The following NUP98 variants were observed in gnomAD, a reference collection of about 807,000 sequenced individuals.
NUP98 encodes nuclear pore complex protein Nup98-Nup96.
In NUP98, 26 loss-of-function variants were observed where a neutral mutation model predicts 191.9. The observed-to-expected ratio is 0.14, with a 90% CI of 0.10 to 0.19. The LOEUF (loss-of-function observed/expected upper bound fraction) is 0.19, where lower values mean the gene tolerates loss of function less well. NUP98 is among the 10% of genes least tolerant of loss of function. NUP98 has a pLI of 1.00. For missense variants in NUP98, 1,941 were observed against 2,178.8 expected (o/e 0.89, Z 2.17); for synonymous variants, 808 against 778.4 (o/e 1.04, Z -0.63).
chr11:3,690,319 GCA>G (rs2078272597), intron 28 of NUP98, among the ~76,000 whole-genome samples: 2 of 150,510 alleles, frequency 1.3e-5, no homozygotes, highest in African/African-American at 2.4e-5. Flanking sequence ...GAGTGCAGTG[GCA>G]TGATCTCTGC....
intron 14 of NUP98, 59 bp from the exon 15 acceptor site, chr11:3,725,278 C>A: frequency 2.6e-6 from 2 of 755,508 alleles, no homozygotes; most frequent in South Asian, 3.2e-5. Flanking sequence ...AGATATGTCC[C>A]AGACATTATC....
intron 20 of NUP98, among the ~76,000 whole-genome samples, chr11:3,709,736 G>C (rs2078975237): frequency 6.9e-6 from 1 of 144,782 alleles, no homozygotes; most frequent in South Asian, 2.2e-4. Flanking sequence ...TTCTGAGCAA[G>C]CCAATTAGCC....
rs2078307682 is a variant in NUP98 at position 3,691,439 on chromosome 11, C to T, written c.4362G>A (p.Leu1454=). 1.9e-6 allele frequency: 3 copies of T among 1,614,174 alleles called. No homozygotes were observed. The highest frequency in any genetic ancestry group is 1.7e-5 in the Admixed American group (1 of 60,008). ...RYACSPLPSY[L]EGSGCVIAEE... ...CCGCTATCACACAGCCAGAACCCTC[C>T]AGATACGAAGGAAGTGGGGAGCAGG... Residue 1454 remains leucine, a synonymous_variant, in exon 28 of 33, where the codon CTG becomes CTA. Transcript: ENST00000324932.
chr11:3,774,048 C>T (rs1206917411), intron 5 of NUP98, among the ~76,000 whole-genome samples: 1 of 151,998 alleles, frequency 6.6e-6, no homozygotes, highest in African/African-American at 2.4e-5. Flanking sequence ...CCAATATATA[C>T]CTTTAAACCT....
chr11:3,704,282 T>C (rs1238097450), intron 22 of NUP98, among the ~76,000 whole-genome samples: 1 of 152,260 alleles, frequency 6.6e-6, no homozygotes, highest in Non-Finnish European at 1.5e-5. Context: ...TGCCAGTTCC[T>C]CTGGCTTTCA....
At chr11:3,711,859 AAT>A (rs1170267007) in intron 20 of NUP98, 1 of 1,033,906 alleles carries the variant, frequency 9.7e-7, no homozygotes, top group Non-Finnish European at 1.2e-6. Context: ...TTATTTAATA[AAT>A]CATAAAAACC....
At chr11:3,738,698 G>C (rs2080165860) in intron 12 of NUP98, among the ~76,000 whole-genome samples, 1 of 132,396 alleles carries the variant, frequency 7.6e-6, no homozygotes, top group African/African-American at 2.8e-5. Flanking sequence ...AGAATTGTCT[G>C]AACCCAGAGG....
Position 3,695,510 on chromosome 11 carries a change from T to C in NUP98, c.4106A>G (p.Gln1369Arg). The C allele has an allele frequency of 6.2e-7, 1 of 1,611,598 alleles. No individual in the cohort carries two copies. Among genetic ancestry groups the C allele is most frequent in the East Asian group, 2.2e-5 (1 of 44,722 alleles). Residue 1369 changes from glutamine to arginine, a missense_variant, in exon 26 of 33, where the codon CAA (glutamine) becomes CGA (arginine). Physicochemically the swap from Gln to Arg is conservative, Grantham distance 43 (BLOSUM62 1). Transcript: ENST00000324932. ...TMQLVDWHQLQADSFIQDERL... is the reference protein window; with the variant it reads ...TMQLVDWHQLRADSFIQDERL... ...CTCATCCTGGATGAAGGAGTCTGCT[T>C]GGAGCTGATGCCAGTCCACCAACTG...
In NUP98 at chr11:3,731,392, T is replaced by G. The variant is rs369707859; in HGVS notation, c.1729A>C (p.Lys577Gln). 6.5e-7 allele frequency: 1 copy of G among 1,540,420 alleles called. No individual in the cohort carries two copies. Among genetic ancestry groups the G allele is most frequent in the South Asian group, 1.3e-5 (1 of 75,408 alleles). The change falls in exon 14 of 33, where the codon AAG (lysine) becomes CAG (glutamine). Residue 577 changes from lysine to glutamine, a missense_variant and splice_region_variant. Physicochemically the swap from Lys to Gln is moderately conservative, Grantham distance 53 (BLOSUM62 1). Around this residue, in one of 6 missense-constraint regions of NUP98, gnomAD observed 453 missense variants for 438.2 expected, o/e 1.03. Transcript: ENST00000324932. ...TTCTGTTAACAAAAATAAACTCACT[T>G]GGGCATGAATGCTCCATTGGCTAGG... ...PSLANGAFMP[K>Q]KSIKKLVLKN...
At chr11:3,723,749 A>G (rs958718746) in intron 15 of NUP98, among the ~76,000 whole-genome samples, 66 of 151,658 alleles carry the variant, frequency 4.4e-4, no homozygotes, top group Non-Finnish European at 6.2e-4. Flanking sequence ...TTTATAAATA[A>G]TAATAATAAT....
chr11:3,748,291 C>T (rs766644673), intron 11 of NUP98, among the ~76,000 whole-genome samples: 8 of 152,140 alleles, frequency 5.3e-5, no homozygotes, highest in Admixed American at 1.3e-4. Context: ...TGTGGCTGGG[C>T]GCAGTGGCTC....
At chr11:3,788,890 T>C (rs1042022387) in intron 1 of NUP98, among the ~76,000 whole-genome samples, 6 of 152,068 alleles carry the variant, frequency 3.9e-5, no homozygotes, top group South Asian at 4.1e-4. Context: ...GAGATTGCAG[T>C]GAGCCGAGAT....
chr11:3,771,404 T>C (rs2081527211), intron 7 of NUP98, among the ~76,000 whole-genome samples: 1 of 152,170 alleles, frequency 6.6e-6, no homozygotes, highest in African/African-American at 2.4e-5. Context: ...CCCCAGTATT[T>C]TCCCTTGCCC....
intron 12 of NUP98, among the ~76,000 whole-genome samples, chr11:3,738,149 T>C: frequency 6.9e-6 from 1 of 145,728 alleles, no homozygotes; most frequent in Non-Finnish European, 1.5e-5. Flanking sequence ...AGAAAGTGCA[T>C]GAGCATGATT....
chr11:3,710,447 G>T (rs1453601837), intron 20 of NUP98, among the ~76,000 whole-genome samples: 2 of 151,922 alleles, frequency 1.3e-5, no homozygotes, highest in Admixed American at 6.6e-5. Flanking sequence ...TGGAAACAGG[G>T]GACTGACGAT....
chr11:3,758,621 C>A (rs2081059116), intron 10 of NUP98, among the ~76,000 whole-genome samples: 3 of 152,090 alleles, frequency 2.0e-5, no homozygotes, highest in Admixed American at 2.0e-4. Flanking sequence ...CCCATCTCTA[C>A]TTTAAATACA....
chr11:3,710,537 C>G (rs1488799068), intron 20 of NUP98, among the ~76,000 whole-genome samples: 2 of 152,126 alleles, frequency 1.3e-5, no homozygotes, highest in Non-Finnish European at 2.9e-5. Context: ...AAACAGGCCT[C>G]TCTCCCCCAA....
In NUP98 at chr11:3,676,637, A is replaced by C. The variant is rs757956043; in HGVS notation, c.5074-17T>G. On this transcript the variant is annotated splice_polypyrimidine_tract_variant and intron_variant, in intron 31 of 32. Coordinates refer to ENST00000324932, the MANE Select transcript of NUP98 (RefSeq NM_016320.5). ...GCAATCCACCTACAAAGAAGCAGAG[A>C]AGCCAATTAATCCAAGGGGAGTTCC... is the stretch of plus-strand genomic sequence containing the variant. 4.4e-6 allele frequency: 7 copies of C among 1,588,398 alleles called. No homozygotes were observed. The South Asian group carries it at 4.4e-5, about 10-fold the overall frequency.
At chr11:3,737,340 AAG>A (rs2080105194) in intron 12 of NUP98, among the ~76,000 whole-genome samples, 1 of 150,460 alleles carries the variant, frequency 6.6e-6, no homozygotes, top group East Asian at 1.9e-4. Context: ...AAAAAAAAAA[AAG>A]AGGCTGGGCG....
Sources: allele counts gnomAD v4.1 joint callset (sites outside exome capture counted in the v4.1 genomes callset), GRCh38; gene constraint gnomAD v4.1.1; regional missense constraint gnomAD v4.1.1; transcripts MANE v1.5; gene names NCBI Gene and HGNC (gene_info 2026-07-23, HGNC 2026-07-21).